The following ALK variants were observed in gnomAD, a reference collection of about 807,000 sequenced individuals.
ALK encodes ALK tyrosine kinase receptor.
A neutral mutation model predicts 163.1 loss-of-function variants in ALK; 74 were observed. That is an observed-to-expected ratio of 0.45 (90% confidence interval 0.38 to 0.55). The LOEUF (loss-of-function observed/expected upper bound fraction) is 0.55, where lower values mean the gene tolerates loss of function less well. Among genes scored for constraint, ALK ranks in the 20% least tolerant of loss-of-function variants. The pLI is 0.00. For synonymous variants in ALK, 960 were observed against 843.2 expected (o/e 1.14, Z -2.40); for missense variants, 2,063 against 2,105.3 (o/e 0.98, Z 0.39).
chr2:29,701,086 A>G (rs1678719094), intron 2 of ALK, among the ~76,000 whole-genome samples: 1 of 152,166 alleles, frequency 6.6e-6, no homozygotes, highest in African/African-American at 2.4e-5. Context: ...CCATAACACC[A>G]CAAAAGGGGA....
chr2:29,217,573 G>A (rs1471335738), intron 23 of ALK, among the ~76,000 whole-genome samples: 5 of 152,224 alleles, frequency 3.3e-5, no homozygotes, highest in East Asian at 1.9e-4. Flanking sequence ...CTGCACATCC[G>A]TTCTGTCATT....
chr2:29,241,852 A>C (rs921222997), intron 12 of ALK, among the ~76,000 whole-genome samples: 8 of 152,250 alleles, frequency 5.3e-5, no homozygotes, highest in African/African-American at 1.9e-4. Flanking sequence ...AGAGGGACTA[A>C]GTAACTCATC....
intron 2 of ALK, among the ~76,000 whole-genome samples, chr2:29,704,655 G>A (rs1678843531): frequency 6.6e-6 from 1 of 152,064 alleles, no homozygotes; most frequent in Admixed American, 6.5e-5. Flanking sequence ...AGCTTTTTGG[G>A]TTGTCTCCTC....
intron 4 of ALK, among the ~76,000 whole-genome samples, chr2:29,404,327 G>T (rs950727132): frequency 6.6e-4 from 89 of 135,682 alleles, no homozygotes; most frequent in Middle Eastern, 4.0e-3. Context: ...AAAAAAAAAA[G>T]AGCTCTAATC....
At chr2:29,248,557 C>A (rs1322813184) in intron 12 of ALK, among the ~76,000 whole-genome samples, 1 of 152,168 alleles carries the variant, frequency 6.6e-6, no homozygotes, top group Non-Finnish European at 1.5e-5. Context: ...CAAAATGCCT[C>A]CTTTACTAAT....
At chr2:29,343,506 C>T (rs1453536956) in intron 5 of ALK, among the ~76,000 whole-genome samples, 2 of 152,130 alleles carry the variant, frequency 1.3e-5, no homozygotes, top group Non-Finnish European at 2.9e-5. Flanking sequence ...TGAGCCACCG[C>T]ACCAGGCCAC....
chr2:29,657,080 G>A (rs1217413686), intron 3 of ALK, among the ~76,000 whole-genome samples: 1 of 152,120 alleles, frequency 6.6e-6, no homozygotes, highest in East Asian at 1.9e-4. Flanking sequence ...TGAACCAATA[G>A]GTGGATCTTT....
intron 5 of ALK, among the ~76,000 whole-genome samples, chr2:29,366,875 A>T (rs1668521188): frequency 6.6e-6 from 1 of 152,202 alleles, no homozygotes; most frequent in Non-Finnish European, 1.5e-5. Flanking sequence ...CAAAGAGCTA[A>T]GTTTAATTTT....
At chr2:29,413,617 C>T (rs1429443905) in intron 4 of ALK, among the ~76,000 whole-genome samples, 1 of 152,074 alleles carries the variant, frequency 6.6e-6, no homozygotes, top group Non-Finnish European at 1.5e-5. Flanking sequence ...CTGCAACCTC[C>T]ACCTCCCAGG....
At chr2:29,429,039 A>G (rs115350076) in intron 4 of ALK, among the ~76,000 whole-genome samples, 2,595 of 152,116 alleles carry the variant, frequency 0.017, 58 homozygotes, top group African/African-American at 0.06. Flanking sequence ...AAGAAGATTC[A>G]ACAAACTTGA....
At chr2:29,445,585 G>A (rs59955647) in intron 4 of ALK, among the ~76,000 whole-genome samples, 3,128 of 152,308 alleles carry the variant, frequency 0.021, 95 homozygotes, top group African/African-American at 0.07. Flanking sequence ...GGCCGAGGGG[G>A]GTGGATCACC....
intron 1 of ALK, among the ~76,000 whole-genome samples, chr2:29,817,672 TC>T (rs1664935138): frequency 6.6e-6 from 1 of 152,164 alleles, no homozygotes; most frequent in Non-Finnish European, 1.5e-5. Flanking sequence ...CCTCCGTCCC[TC>T]CCTTCCTCCA....
At chr2:29,312,284 C>T (rs1666717680) in intron 8 of ALK, among the ~76,000 whole-genome samples, 1 of 152,142 alleles carries the variant, frequency 6.6e-6, no homozygotes, top group Non-Finnish European at 1.5e-5. Context: ...TGTCTAGATT[C>T]AGGCTGGGCA....
intron 1 of ALK, among the ~76,000 whole-genome samples, chr2:29,718,074 T>C (rs1160462562): frequency 6.6e-6 from 1 of 152,212 alleles, no homozygotes; most frequent in African/African-American, 2.4e-5. Context: ...AATGCCTCCA[T>C]CCCTACTTTA....
rs534373241 is a variant in ALK at position 29,226,313 on chromosome 2, A to G, written c.3067+609T>C. On this transcript the variant is annotated intron_variant, in intron 18 of 28. Coordinates refer to ENST00000389048, the MANE Select transcript of ALK (RefSeq NM_004304.5). ...GGCCAAAAGGTGAAACCCTGTCTCT[A>G]CTGAAAATATGAAAATTAGCCTGGC... Among the ~76,000 whole-genome samples, 21 of 152,022 alleles carry G rather than the reference A, an allele frequency of 1.4e-4. No individual in the cohort carries two copies. In the South Asian group the frequency reaches 4.0e-3, roughly 29 times the overall value.
At chr2:29,369,356 G>A (rs1668588884) in intron 5 of ALK, among the ~76,000 whole-genome samples, 1 of 151,904 alleles carries the variant, frequency 6.6e-6, no homozygotes, top group African/African-American at 2.4e-5. Context: ...ATGAGAAAAT[G>A]ACAGGCACTT....
chr2:29,894,725 T>C (rs1667225293), intron 1 of ALK, among the ~76,000 whole-genome samples: 1 of 152,154 alleles, frequency 6.6e-6, no homozygotes, highest in South Asian at 2.1e-4. Context: ...AAGCACCTTT[T>C]TGAATGCAGT....
At position 29,328,458 on chromosome 2, in the gene ALK, C is replaced by T. The variant is rs745772939; in HGVS notation, c.1306G>A (p.Ala436Thr). The T allele has an allele frequency of 1.1e-5, 18 of 1,614,068 alleles. No homozygotes were observed. The highest frequency in any genetic ancestry group is 2.7e-5 in the African/African-American group (2 of 74,938). Residue 436 changes from alanine to threonine, a missense_variant, in exon 6 of 29, where the codon GCC becomes ACC. Physicochemically the swap from Ala to Thr is moderately conservative, Grantham distance 58 (BLOSUM62 0). This residue lies in a region of ALK where 987 missense variants were observed against 939.5 expected (regional missense o/e 1.05). Coordinates refer to ENST00000389048, the MANE Select transcript of ALK (RefSeq NM_004304.5). ...CAACAAGTGAAGGAGCTCTGCAGGG[C>T]CATCTTGGAGCCTGGGGATGTTCCT... ...SEGTSPGSKM[A>T]LQSSFTCWNG...
chr2:29,360,817 T>C lies in ALK; in HGVS notation c.1282+22915A>G, dbSNP rs77283732. ...TAATTTATGTGCTTTCTAGTTGGTATTTATCTATGAGGTTTGTGCAAAGAT... is the reference window on the plus strand; with the variant it reads ...TAATTTATGTGCTTTCTAGTTGGTACTTATCTATGAGGTTTGTGCAAAGAT... On this transcript the variant is annotated intron_variant, in intron 5 of 28. Coordinates refer to ENST00000389048, the MANE Select transcript of ALK (RefSeq NM_004304.5). Among the ~76,000 whole-genome samples, 1,374 of 152,330 alleles carry C rather than the reference T, an allele frequency of 9.0e-3. 12 individuals carry two copies. Among genetic ancestry groups the C allele is most frequent in the Non-Finnish European group, 0.014 (974 of 68,012 alleles).
Sources: allele counts gnomAD v4.1 joint callset (sites outside exome capture counted in the v4.1 genomes callset), GRCh38; gene constraint gnomAD v4.1.1; regional missense constraint gnomAD v4.1.1; transcripts MANE v1.5; gene names NCBI Gene and HGNC (gene_info 2026-07-23, HGNC 2026-07-21).